Variants in GSE1 observed in about 807,000 individuals in gnomAD.
GSE1 encodes genetic suppressor element 1.
In GSE1, 32 loss-of-function variants were observed where a neutral mutation model predicts 112.6. That is an observed-to-expected ratio of 0.28 (90% CI 0.21 to 0.38). GSE1 has a LOEUF of 0.38. Ranked by LOEUF, GSE1 falls within the 10% of genes least tolerant of loss-of-function variation. The probability of loss-of-function intolerance (pLI) is 1.00; values close to 1 mark genes in which losing one functional copy is unlikely to be tolerated. For synonymous variants in GSE1, 1,115 were observed against 735.6 expected (o/e 1.52, Z -8.35); for missense variants, 2,348 against 1,699.2 (o/e 1.38, Z -6.71).
At chr16:85,391,571 G>A (rs759397275) in intron 2 of GSE1, among the ~76,000 whole-genome samples, 2 of 152,202 alleles carry the variant, frequency 1.3e-5, no homozygotes, top group Non-Finnish European at 2.9e-5. Context: ...CGGTCATCAC[G>A]TGGCCGCCTT....
chr16:85,516,770 C>G (rs1427201472), intron 2 of GSE1, among the ~76,000 whole-genome samples: 1 of 149,436 alleles, frequency 6.7e-6, no homozygotes, highest in South Asian at 2.1e-4. Context: ...CCATGGGGTG[C>G]AGCTTGGGGC....
intron 2 of GSE1, among the ~76,000 whole-genome samples, chr16:85,434,242 T>C (rs1042026997): frequency 1.4e-4 from 22 of 151,732 alleles, no homozygotes; most frequent in African/African-American, 4.9e-4. Context: ...AAGGAACGCC[T>C]TACAGCCCCT....
intron 1 of GSE1, among the ~76,000 whole-genome samples, chr16:85,236,849 C>T (rs754763503): frequency 3.3e-5 from 5 of 152,044 alleles, no homozygotes; most frequent in African/African-American, 9.7e-5. Context: ...ACCTTGGGAC[C>T]TCTGCCTGGC....
chr16:85,639,441 C>T (rs947270270), intron 2 of GSE1, among the ~76,000 whole-genome samples: 1 of 152,250 alleles, frequency 6.6e-6, no homozygotes, highest in African/African-American at 2.4e-5. Flanking sequence ...GGTCCCAGCC[C>T]TGTGTCCCAC....
intron 1 of GSE1, among the ~76,000 whole-genome samples, chr16:85,567,035 C>T (rs558314435): frequency 1.6e-4 from 21 of 135,252 alleles, no homozygotes; most frequent in African/African-American, 5.0e-4. Flanking sequence ...GTTACTCCCG[C>T]CCCCACCCCC....
At chr16:85,501,003 T>G (rs1039924599) in intron 2 of GSE1, among the ~76,000 whole-genome samples, 1 of 128,626 alleles carries the variant, frequency 7.8e-6, no homozygotes, top group East Asian at 2.2e-4. Context: ...GTTCTGTTTT[T>G]TTTTTTTTTT....
exon 1 of GSE1, chr16:85,169,951 G>A (rs962985133): frequency 9.1e-6 from 9 of 984,470 alleles, no homozygotes; most frequent in African/African-American, 1.7e-5. Context: ...CGTCGCCTAC[G>A]CGCTGGGCAG....
At chr16:85,259,441 CAG>C (rs1341710755) in intron 1 of GSE1, among the ~76,000 whole-genome samples, 2 of 152,258 alleles carry the variant, frequency 1.3e-5, no homozygotes, top group Non-Finnish European at 2.9e-5. Context: ...AACAGCCAGA[CAG>C]GGGATCTCAG....
At chr16:85,663,760 C>T (rs746786056) in intron 11 of GSE1, 146 bp downstream of exon 11, 11 of 792,302 alleles carry the variant, frequency 1.4e-5, no homozygotes, top group Admixed American at 1.1e-4. Context: ...CTCCCGGGAA[C>T]AGCCTCTCTG....
chr16:85,597,263 G>A (rs942334565), intron 1 of GSE1, among the ~76,000 whole-genome samples: 3 of 148,362 alleles, frequency 2.0e-5, no homozygotes, highest in Non-Finnish European at 4.5e-5. Context: ...AATGGCGTGA[G>A]CCACCGTGCC....
At chr16:85,258,294 G>T (rs1907295199) in intron 1 of GSE1, among the ~76,000 whole-genome samples, 1 of 152,220 alleles carries the variant, frequency 6.6e-6, no homozygotes, top group African/African-American at 2.4e-5. Context: ...GCTGACAAGA[G>T]GCTGGAGTCA....
chr16:85,594,808 G>C (rs1397276705), intron 1 of GSE1: 1 of 152,342 alleles, frequency 6.6e-6, no homozygotes, highest in African/African-American at 2.4e-5. Context: ...TGGCTGGTGA[G>C]TGCGTGACTG....
At chr16:85,234,053 A>T (rs566636820) in intron 1 of GSE1, among the ~76,000 whole-genome samples, 2 of 152,150 alleles carry the variant, frequency 1.3e-5, no homozygotes, top group African/African-American at 4.8e-5. Context: ...CAGGTTCAAT[A>T]GGACAAGACC....
rs2046360797 is a variant in GSE1 at position 85,331,553 on chromosome 16, A to ATGTGTATATG, written c.2284-25906_2284-25897dup. Among the ~76,000 whole-genome samples the ATGTGTATATG allele has an allele frequency of 3.5e-5, 3 of 86,404 alleles. 1 individual carries two copies. The highest frequency in any genetic ancestry group is 1.4e-4 in the Admixed American group (1 of 6,948). The allele number at this position is 86,404 out of a possible 152,430, so 56.7% of individuals were successfully genotyped here. On this transcript the variant is annotated intron_variant, in intron 1 of 2. Coordinates refer to the GSE1 transcript ENST00000637419. ...TGTATATGTGTATATGTGTGTATAT[A>ATGTGTATATG]TGTGTATATGTGTATATATGTGTAC... is the stretch of plus-strand genomic sequence containing the variant.
At chr16:85,222,302 TG>T (rs1211399748) in intron 1 of GSE1, among the ~76,000 whole-genome samples, 1 of 152,210 alleles carries the variant, frequency 6.6e-6, no homozygotes, top group East Asian at 1.9e-4. Flanking sequence ...GGTCCCGGGC[TG>T]GGGCCAGCGC....
At chr16:85,562,898 T>C (rs1316987518) in intron 1 of GSE1, among the ~76,000 whole-genome samples, 1 of 152,214 alleles carries the variant, frequency 6.6e-6, no homozygotes, top group Admixed American at 6.5e-5. Context: ...AGAGGCAGCC[T>C]CTCCATCAAC....
chr16:85,178,833 G>A (rs1242272901), intron 1 of GSE1, among the ~76,000 whole-genome samples: 1 of 149,138 alleles, frequency 6.7e-6, no homozygotes, highest in African/African-American at 2.5e-5. Context: ...TCCTGGCAGG[G>A]GCTCGAGGTG....
chr16:85,450,299 G>A (rs1351152094), intron 2 of GSE1, among the ~76,000 whole-genome samples: 1 of 150,660 alleles, frequency 6.6e-6, no homozygotes, highest in Admixed American at 6.6e-5. Context: ...TGTATTTTTA[G>A]TAGAGATGGG....
chr16:85,229,308 C>T lies in GSE1; in HGVS notation c.2283+57501C>T, dbSNP rs116891616. Among the ~76,000 whole-genome samples, 1,391 of 152,324 alleles carry T rather than the reference C, an allele frequency of 9.1e-3. 10 individuals are homozygous for T. The highest frequency in any genetic ancestry group is 0.016 in the Non-Finnish European group (1,071 of 68,024). On this transcript the variant is annotated intron_variant, in intron 1 of 2. Transcript: ENST00000637419. ...GGAGCCAGCTCTGGCCTTGGCAGGGCGGACACGGTGAGAGTCAGCTCCACC... is the reference window on the plus strand; with the variant it reads ...GGAGCCAGCTCTGGCCTTGGCAGGGTGGACACGGTGAGAGTCAGCTCCACC...
Sources: gnomAD v4.1 joint callset for allele counts (sites outside exome capture counted in the v4.1 genomes callset) on GRCh38, gnomAD v4.1.1 for gene constraint, MANE v1.5 for transcripts, NCBI Gene and HGNC (gene_info 2026-07-23, HGNC 2026-07-21) for gene names.